PRELID2: variants seen among roughly 807,000 people sequenced by gnomAD.
PRELID2 encodes PRELI domain-containing protein 2.
PRELID2 carries 25 observed loss-of-function variants against 28.4 expected under a neutral mutation model. The observed-to-expected ratio is 0.88, with a 90% CI of 0.64 to 1.23. The LOEUF is 1.23. PRELID2 is among the 50% of genes most tolerant of loss of function. The pLI, the probability that PRELID2 is intolerant of heterozygous loss-of-function variation, is 0.00. For missense variants in PRELID2, 201 were observed against 214.4 expected, an observed-to-expected ratio of 0.94 and a Z score of 0.39; for synonymous variants, 76 against 71.6, an observed-to-expected ratio of 1.06 and a Z score of -0.31.
At chr5:145,319,044 C>T in the PRELID2 span, among the ~76,000 whole-genome samples, 1 of 152,162 alleles carries the variant, frequency 6.6e-6, no homozygotes, top group Non-Finnish European at 1.5e-5. Context: ...GACATTCCTT[C>T]TCTTCTCTGC....
chr5:145,632,523 T>C (rs1753947147), intron 1 of PRELID2, among the ~76,000 whole-genome samples: 2 of 152,160 alleles, frequency 1.3e-5, no homozygotes, highest in Admixed American at 1.3e-4. Flanking sequence ...ACCACAAATA[T>C]CATATCACTT....
At chr5:145,803,801 G>C (rs1753311980) in intron 4 of PRELID2, among the ~76,000 whole-genome samples, 2 of 150,500 alleles carry the variant, frequency 1.3e-5, no homozygotes, top group African/African-American at 4.9e-5. Flanking sequence ...CCAGCCCGAG[G>C]CAACTCCAAG....
chr5:145,716,580 A>G (rs1243554655), intron 1 of PRELID2, among the ~76,000 whole-genome samples: 1 of 152,220 alleles, frequency 6.6e-6, no homozygotes, highest in Non-Finnish European at 1.5e-5. Context: ...CCATCATAAC[A>G]AAGCAGCTTT....
chr5:145,282,474 C>G, the PRELID2 span, among the ~76,000 whole-genome samples: 3 of 151,668 alleles, frequency 2.0e-5, no homozygotes, highest in Non-Finnish European at 2.9e-5. Context: ...GATACAGAAG[C>G]CAAACTGTAA....
the PRELID2 span, among the ~76,000 whole-genome samples, chr5:145,407,817 C>T: frequency 1.3e-5 from 2 of 152,164 alleles, no homozygotes; most frequent in African/African-American, 4.8e-5. Context: ...AACATGACAA[C>T]TTCACTGCTA....
intron 1 of PRELID2, among the ~76,000 whole-genome samples, chr5:145,479,147 C>A (rs1173843653): frequency 6.6e-6 from 1 of 152,144 alleles, no homozygotes; most frequent in Non-Finnish European, 1.5e-5. Context: ...CCAATCAGAC[C>A]CTGCCAAACC....
chr5:145,686,951 T>C (rs1261748355), intron 1 of PRELID2, among the ~76,000 whole-genome samples: 1 of 152,218 alleles, frequency 6.6e-6, no homozygotes, highest in Non-Finnish European at 1.5e-5. Context: ...CCACATTTGA[T>C]CTAATTTCCC....
At chr5:145,674,836 G>A (rs1241497391) in intron 1 of PRELID2, among the ~76,000 whole-genome samples, 1 of 151,948 alleles carries the variant, frequency 6.6e-6, no homozygotes, top group Non-Finnish European at 1.5e-5. Context: ...AGTCCCAGCT[G>A]AAGCAGGAGG....
intron 1 of PRELID2, among the ~76,000 whole-genome samples, chr5:145,712,032 C>T (rs778652427): frequency 1.3e-5 from 2 of 152,208 alleles, no homozygotes; most frequent in Admixed American, 1.3e-4. Flanking sequence ...ACTCCTGATG[C>T]TGCCCATAGA....
the PRELID2 span, among the ~76,000 whole-genome samples, chr5:145,375,487 C>T: frequency 2.6e-5 from 4 of 152,142 alleles, no homozygotes; most frequent in African/African-American, 9.7e-5. Context: ...TTTAACGAAG[C>T]ACTTTGTCCC....
At chr5:145,463,495 A>G in the PRELID2 span, among the ~76,000 whole-genome samples, 1 of 152,234 alleles carries the variant, frequency 6.6e-6, no homozygotes, top group African/African-American at 2.4e-5. Context: ...TTTCAGTTTA[A>G]CTTTGTAATT....
intron 1 of PRELID2, among the ~76,000 whole-genome samples, chr5:145,715,695 C>A (rs1210792465): frequency 6.6e-6 from 1 of 152,170 alleles, no homozygotes; most frequent in African/African-American, 2.4e-5. Flanking sequence ...ACCACACTGG[C>A]TTCCACCTTA....
At chr5:145,697,033 T>TTTTATA (rs1491530645) in intron 1 of PRELID2, among the ~76,000 whole-genome samples, 2 of 50,620 alleles carry the variant, frequency 4.0e-5, no homozygotes, top group African/African-American at 1.1e-4. Flanking sequence ...GAGAGGAAAA[T>TTTTATA]TATATATATA....
chr5:145,589,556 A>AT (rs1033093099), intron 1 of PRELID2, among the ~76,000 whole-genome samples: 2 of 151,854 alleles, frequency 1.3e-5, no homozygotes, highest in African/African-American at 2.4e-5. Context: ...GTAAGGCTGA[A>AT]TTTTTTTTCA....
the PRELID2 span, among the ~76,000 whole-genome samples, chr5:145,326,233 T>TG: frequency 6.6e-6 from 1 of 152,138 alleles, no homozygotes; most frequent in African/African-American, 2.4e-5. Context: ...CTCCAACTCC[T>TG]GAGCTCAAGT....
At chr5:145,237,431 T>C in the PRELID2 span, among the ~76,000 whole-genome samples, 1 of 150,646 alleles carries the variant, frequency 6.6e-6, no homozygotes, top group African/African-American at 2.5e-5. Context: ...TCAATTCCTA[T>C]GATTTTTTTA....
chr5:145,343,507 T>C, the PRELID2 span, among the ~76,000 whole-genome samples: 1 of 151,752 alleles, frequency 6.6e-6, no homozygotes, highest in Middle Eastern at 3.4e-3. Flanking sequence ...ACCTGTGAGA[T>C]ACAACAAAAG....
At chr5:145,779,125 AC>A in intron 5 of PRELID2, among the ~76,000 whole-genome samples, 1 of 152,334 alleles carries the variant, frequency 6.6e-6, no homozygotes, top group South Asian at 2.1e-4. Context: ...ATAAAGTCTA[AC>A]CCTTTTGGAA....
chr5:145,741,965 A>C (rs1297862611), intron 1 of PRELID2, among the ~76,000 whole-genome samples: 1 of 68,796 alleles, frequency 1.5e-5, no homozygotes, highest in Admixed American at 2.2e-4. Context: ...TAATTAAATA[A>C]ATAAATTTAT....
Sources: gnomAD v4.1 joint callset for allele counts (sites outside exome capture counted in the v4.1 genomes callset) on GRCh38, gnomAD v4.1.1 for gene constraint, MANE v1.5 for transcripts, NCBI Gene and HGNC (gene_info 2026-07-23, HGNC 2026-07-21) for gene names.